Variants in CNTNAP5 observed in about 807,000 individuals in gnomAD.
CNTNAP5 encodes contactin associated protein family member 5, also known as contactin-associated protein-like 5.
A neutral mutation model predicts 150.2 loss-of-function variants in CNTNAP5; 72 were observed. The observed-to-expected ratio is 0.48, with a 90% CI of 0.40 to 0.58. The LOEUF is 0.58. CNTNAP5 is among the 20% of genes least tolerant of loss of function. The probability of loss-of-function intolerance (pLI) is 0.00; values close to 1 mark genes in which losing one functional copy is unlikely to be tolerated. For synonymous variants in CNTNAP5, 672 were observed against 619.8 expected (o/e 1.08, Z -1.25); for missense variants, 1,636 against 1,626.2 (o/e 1.01, Z -0.10).
chr2:124,040,173 T>C (rs998502277), intron 1 of CNTNAP5, among the ~76,000 whole-genome samples: 5 of 152,210 alleles, frequency 3.3e-5, no homozygotes, highest in African/African-American at 1.2e-4. Flanking sequence ...AATCATTCTT[T>C]GCATTCTGAT....
intron 1 of CNTNAP5, among the ~76,000 whole-genome samples, chr2:124,179,160 A>AT (rs149942169): frequency 7.3e-5 from 11 of 149,960 alleles, no homozygotes; most frequent in South Asian, 4.3e-4. Flanking sequence ...TATTATTATT[A>AT]TTTTTTTTAA....
chr2:124,134,360 G>GA (rs200894367), intron 1 of CNTNAP5, among the ~76,000 whole-genome samples: 8,744 of 131,850 alleles, frequency 0.066, 304 homozygotes, highest in South Asian at 0.17. Flanking sequence ...CCTTGAAAAA[G>GA]AAAAAAAAAA....
chr2:124,510,477 G>GTATATATATATA (rs70996072), intron 8 of CNTNAP5, among the ~76,000 whole-genome samples: 11 of 102,582 alleles, frequency 1.1e-4, no homozygotes, highest in Admixed American at 2.1e-4. Flanking sequence ...TTATGTATGT[G>GTATATATATATA]TATATATATA....
chr2:124,082,166 G>A (rs1319872632), intron 1 of CNTNAP5, among the ~76,000 whole-genome samples: 1 of 151,928 alleles, frequency 6.6e-6, no homozygotes, highest in African/African-American at 2.4e-5. Context: ...TGGCTAACAC[G>A]GTGAAACCCC....
At chr2:124,338,000 A>T (rs1004474848) in intron 3 of CNTNAP5, among the ~76,000 whole-genome samples, 2 of 152,218 alleles carry the variant, frequency 1.3e-5, no homozygotes, top group Non-Finnish European at 2.9e-5. Context: ...ACCCATGAGC[A>T]TGAAGTGTTC....
At chr2:124,418,950 A>G (rs918216762) in intron 4 of CNTNAP5, among the ~76,000 whole-genome samples, 1 of 150,432 alleles carries the variant, frequency 6.6e-6, no homozygotes, top group East Asian at 2.0e-4. Flanking sequence ...CTGGCTAACA[A>G]GGTGAAACCC....
chr2:124,654,660 A>G (rs1678402471), intron 13 of CNTNAP5, among the ~76,000 whole-genome samples: 1 of 152,150 alleles, frequency 6.6e-6, no homozygotes, highest in Non-Finnish European at 1.5e-5. Context: ...TCCGCGTCAG[A>G]GAGCTGCAAT....
chr2:124,243,409 T>C (rs1429540243), intron 3 of CNTNAP5, among the ~76,000 whole-genome samples: 1 of 152,154 alleles, frequency 6.6e-6, no homozygotes, highest in African/African-American at 2.4e-5. Context: ...TATATACTCA[T>C]TGTTATTTGT....
intron 11 of CNTNAP5, among the ~76,000 whole-genome samples, chr2:124,604,704 G>T (rs535757247): frequency 2.0e-5 from 3 of 152,232 alleles, no homozygotes; most frequent in Admixed American, 2.0e-4. Context: ...TATATTTTAT[G>T]AACTCATTTA....
intron 1 of CNTNAP5, among the ~76,000 whole-genome samples, chr2:124,132,800 A>G (rs1178881253): frequency 4.6e-5 from 7 of 152,124 alleles, no homozygotes; most frequent in Non-Finnish European, 8.8e-5. Context: ...TAGATGCAGT[A>G]ATGTGTGTTT....
chr2:124,425,666 C>T (rs2104786207), intron 4 of CNTNAP5, among the ~76,000 whole-genome samples: 1 of 152,258 alleles, frequency 6.6e-6, no homozygotes, highest in East Asian at 1.9e-4. Flanking sequence ...TATAGCTCCC[C>T]TTTTCAATCC....
At position 124,911,490 on chromosome 2, in the gene CNTNAP5, C is replaced by G. The variant is rs376650684; in HGVS notation, c.3679C>G (p.Arg1227Gly). 12 of 1,600,746 alleles carry G rather than the reference C, an allele frequency of 7.5e-6. No individual in the cohort carries two copies. In the African/African-American group the frequency reaches 1.3e-4, roughly 18 times the overall value. ...AGATCCTTTTGGGAAGACAGATGAG[C>G]GGGAACCACTCACAAATGCTGTTCG... is the stretch of plus-strand genomic sequence containing the variant. ...SSDPFGKTDEREPLTNAVRSD... is the reference protein window; with the variant it reads ...SSDPFGKTDEGEPLTNAVRSD... Residue 1227 changes from arginine (R) to glycine (G), a missense_variant, in exon 23 of 24, where the codon CGG becomes GGG. Physicochemically the swap from Arg to Gly is moderately radical, Grantham distance 125. Coordinates refer to ENST00000682447, the MANE Select transcript of CNTNAP5 (RefSeq NM_001367498.1).
intron 1 of CNTNAP5, among the ~76,000 whole-genome samples, chr2:124,101,716 C>A (rs1162304069): frequency 2.0e-5 from 3 of 152,218 alleles, no homozygotes; most frequent in Non-Finnish European, 2.9e-5. Context: ...CAGCCCCAAT[C>A]AGCACATGCC....
intron 1 of CNTNAP5, among the ~76,000 whole-genome samples, chr2:124,197,708 G>A (rs892485707): frequency 6.6e-6 from 1 of 152,090 alleles, no homozygotes; most frequent in African/African-American, 2.4e-5. Flanking sequence ...ACGGCCCGGC[G>A]CAGTGGCTCA....
intron 6 of CNTNAP5, among the ~76,000 whole-genome samples, chr2:124,454,742 T>C (rs1693074737): frequency 6.6e-6 from 1 of 152,068 alleles, no homozygotes; most frequent in South Asian, 2.1e-4. Flanking sequence ...AAAAGGAACA[T>C]TCAAAACCAT....
chr2:124,478,307 G>A (rs985431015), intron 7 of CNTNAP5, among the ~76,000 whole-genome samples: 1 of 151,998 alleles, frequency 6.6e-6, no homozygotes, highest in African/African-American at 2.4e-5. Context: ...ACTCCTTGGG[G>A]TTTAATTGGC....
intron 19 of CNTNAP5, among the ~76,000 whole-genome samples, chr2:124,799,446 A>T (rs780575878): frequency 7.9e-5 from 12 of 152,222 alleles, no homozygotes; most frequent in Non-Finnish European, 1.2e-4. Flanking sequence ...TATAAAAAAC[A>T]CTGTCCTGTG....
chr2:124,839,242 G>A (rs1267260602), intron 19 of CNTNAP5, among the ~76,000 whole-genome samples: 1 of 152,006 alleles, frequency 6.6e-6, no homozygotes, highest in Non-Finnish European at 1.5e-5. Flanking sequence ...CTGGTATAAA[G>A]GGGATAAAGT....
Position 124,090,372 on chromosome 2 carries a change from C to G in CNTNAP5, c.82+64640C>G, listed in dbSNP as rs139716978. Among the ~76,000 whole-genome samples, 71 of 152,206 alleles carry G rather than the reference C, an allele frequency of 4.7e-4. 2 individuals carry two copies. Among genetic ancestry groups the G allele is most frequent in the Admixed American group, 3.5e-3 (54 of 15,294 alleles). ...AAACTTGCAAAGCACTTCCTGAGGG[C>G]AAATATTTTCATGGGATTATATTGA... On this transcript the variant is annotated intron_variant, in intron 1 of 23. Coordinates refer to ENST00000682447, the MANE Select transcript of CNTNAP5 (RefSeq NM_001367498.1).
Sources: gnomAD v4.1 joint callset for allele counts (sites outside exome capture counted in the v4.1 genomes callset) on GRCh38, gnomAD v4.1.1 for gene constraint, MANE v1.5 for transcripts, NCBI Gene and HGNC (gene_info 2026-07-23, HGNC 2026-07-21) for gene names.